WWC1: variants seen among roughly 807,000 people sequenced by gnomAD.
WWC1 encodes WW and C2 domain containing 1.
A neutral mutation model predicts 138.4 loss-of-function variants in WWC1; 55 were observed. The ratio of observed to expected loss-of-function variants is 0.40; its 90% CI spans 0.32 to 0.50. The LOEUF (loss-of-function observed/expected upper bound fraction) is 0.50, where lower values mean the gene tolerates loss of function less well. WWC1 is among the 20% of genes least tolerant of loss of function. The pLI is 0.72. For missense variants in WWC1, 1,226 were observed against 1,420.4 expected (o/e 0.86, Z 2.20); for synonymous variants, 524 against 564.9 (o/e 0.93, Z 1.03).
At chr5:168,462,927 C>T (rs1002684956) in intron 20 of WWC1, among the ~76,000 whole-genome samples, 5 of 152,208 alleles carry the variant, frequency 3.3e-5, no homozygotes, top group African/African-American at 1.2e-4. Flanking sequence ...TTCCTTGATC[C>T]TGCTCATTTA....
At chr5:168,383,361 C>A (rs980287931) in intron 2 of WWC1, among the ~76,000 whole-genome samples, 1 of 152,020 alleles carries the variant, frequency 6.6e-6, no homozygotes, top group African/African-American at 2.4e-5. Flanking sequence ...TTAAGAGATA[C>A]AAAAGTAGAT....
intron 3 of WWC1, among the ~76,000 whole-genome samples, chr5:168,394,716 AC>A (rs1778764135): frequency 6.6e-6 from 1 of 151,978 alleles, no homozygotes; most frequent in African/African-American, 2.4e-5. Flanking sequence ...ACAGAGGGAG[AC>A]TCATCTCAAT....
At position 168,313,716 on chromosome 5, in the gene WWC1, T is replaced by C. The variant is rs943980720; in HGVS notation, c.119+21445T>C. Among the ~76,000 whole-genome samples, 9 of 152,354 alleles carry C rather than the reference T, an allele frequency of 5.9e-5. No homozygotes were observed. The South Asian group carries it at 1.4e-3, about 25-fold the overall frequency. ...ACATTGAGTAGCACTGACTATTCAA[T>C]ACTACTTCTGTTGTTTTTCTTTTTT... On this transcript the variant is annotated intron_variant, in intron 1 of 22. Transcript: ENST00000265293.
chr5:168,385,476 C>A, intron 3 of WWC1, 62 bp downstream of exon 3: 1 of 1,537,166 alleles, frequency 6.5e-7, no homozygotes, highest in South Asian at 1.2e-5. Flanking sequence ...ACACTGAGTT[C>A]TGCCAATATT....
chr5:168,396,482 G>T (rs1778914245), intron 3 of WWC1, among the ~76,000 whole-genome samples: 1 of 152,130 alleles, frequency 6.6e-6, no homozygotes, highest in African/African-American at 2.4e-5. Context: ...AGGTAGGCAG[G>T]GGAGATGATG....
At chr5:168,300,482 C>G (rs370811232) in intron 1 of WWC1, among the ~76,000 whole-genome samples, 2 of 139,242 alleles carry the variant, frequency 1.4e-5, no homozygotes, top group African/African-American at 5.3e-5. Flanking sequence ...TGCTTCTACC[C>G]ATGACATCTC....
At chr5:168,352,385 C>G (rs1775036889) in intron 1 of WWC1, among the ~76,000 whole-genome samples, 2 of 152,038 alleles carry the variant, frequency 1.3e-5, no homozygotes, top group South Asian at 4.2e-4. Context: ...GCACTTTTTC[C>G]TGATACTCCA....
intron 15 of WWC1, among the ~76,000 whole-genome samples, chr5:168,435,993 C>T (rs1782323292): frequency 6.6e-6 from 1 of 152,184 alleles, no homozygotes; most frequent in African/African-American, 2.4e-5. Context: ...TAGGCACGCG[C>T]CACCACACCT....
At chr5:168,345,437 T>C (rs1383118923) in intron 1 of WWC1, among the ~76,000 whole-genome samples, 2 of 152,210 alleles carry the variant, frequency 1.3e-5, no homozygotes. Flanking sequence ...TCTCTTCTTC[T>C]TTATCTTAAT....
chr5:168,373,872 C>A (rs896527171), intron 2 of WWC1, among the ~76,000 whole-genome samples: 1 of 151,550 alleles, frequency 6.6e-6, no homozygotes, highest in Non-Finnish European at 1.5e-5. Context: ...GAGTGAAACC[C>A]CATCTCTATT....
At chr5:168,408,093 C>T (rs531942695) in intron 6 of WWC1, among the ~76,000 whole-genome samples, 27 of 145,134 alleles carry the variant, frequency 1.9e-4, no homozygotes, top group South Asian at 4.4e-4. Flanking sequence ...ATCTTGAATT[C>T]CTGGCCTCAA....
chr5:168,412,702 C>T (rs10044771), intron 8 of WWC1, among the ~76,000 whole-genome samples: 54,414 of 151,882 alleles, frequency 0.36, 12,969 homozygotes, highest in East Asian at 0.66. Context: ...ATTCAACCAA[C>T]CAAGGATCAA....
At chr5:168,442,628 G>C (rs1409509489) in intron 16 of WWC1, among the ~76,000 whole-genome samples, 1 of 151,894 alleles carries the variant, frequency 6.6e-6, no homozygotes, top group Non-Finnish European at 1.5e-5. Flanking sequence ...CTTGAGGTCA[G>C]GAGTTTGAGA....
At chr5:168,306,526 A>G (rs1335427485) in intron 1 of WWC1, among the ~76,000 whole-genome samples, 4 of 152,214 alleles carry the variant, frequency 2.6e-5, no homozygotes, top group Admixed American at 6.5e-5. Context: ...TCCTTTTGCC[A>G]TAATGTGAAA....
rs576877620 is a variant in WWC1 at position 168,368,039 on chromosome 5, C to T, written c.120-3385C>T. ...TATCTTTGAACAGTGTTGTTTTTCT[C>T]AGAGTATATTGAGAGCATCTTTCAT... On this transcript the variant is annotated intron_variant, in intron 1 of 22. Coordinates refer to ENST00000265293, the MANE Select transcript of WWC1 (RefSeq NM_015238.3). Among the ~76,000 whole-genome samples the T allele has an allele frequency of 3.3e-5, 5 of 151,708 alleles. 1 individual carries two copies. In the South Asian group the frequency reaches 6.3e-4, roughly 19 times the overall value.
chr5:168,326,216 C>CT (rs796347858), intron 1 of WWC1, among the ~76,000 whole-genome samples: 22,696 of 113,264 alleles, frequency 0.2, 2,764 homozygotes, highest in Admixed American at 0.29. Context: ...ACCTGATAGT[C>CT]TTTTTTTTTT....
chr5:168,330,690 T>G (rs1196334446), intron 1 of WWC1, among the ~76,000 whole-genome samples: 1 of 152,022 alleles, frequency 6.6e-6, no homozygotes, highest in Non-Finnish European at 1.5e-5. Flanking sequence ...TTGGGGCTGT[T>G]GGAAGAAAAG....
intron 1 of WWC1, among the ~76,000 whole-genome samples, chr5:168,370,635 C>T (rs2152806952): frequency 6.6e-6 from 1 of 152,336 alleles, no homozygotes. Context: ...AGATTCCCAG[C>T]TTCCCATACT....
intron 3 of WWC1, among the ~76,000 whole-genome samples, chr5:168,387,116 A>T (rs1031047056): frequency 6.6e-6 from 1 of 152,204 alleles, no homozygotes; most frequent in Non-Finnish European, 1.5e-5. Context: ...GAGGCTTAGG[A>T]TCAACAATGT....
Sources: allele counts gnomAD v4.1 joint callset (sites outside exome capture counted in the v4.1 genomes callset), GRCh38; gene constraint gnomAD v4.1.1; transcripts MANE v1.5; gene names NCBI Gene and HGNC (gene_info 2026-07-23, HGNC 2026-07-21).